Variants in TTLL5 observed in about 807,000 individuals in gnomAD.
TTLL5 encodes tubulin tyrosine ligase like 5.
Under a neutral mutation model 168.4 loss-of-function variants are expected in TTLL5, and 132 were observed. The ratio of observed to expected loss-of-function variants is 0.78; its 90% CI spans 0.68 to 0.91. The LOEUF (loss-of-function observed/expected upper bound fraction) is 0.91, where lower values mean the gene tolerates loss of function less well. Among genes scored for constraint, TTLL5 ranks in the 40% least tolerant of loss-of-function variants. The pLI, the probability that TTLL5 is intolerant of heterozygous loss-of-function variation, is 0.00. For missense variants in TTLL5, 1,545 were observed against 1,581.5 expected (o/e 0.98, Z 0.39); for synonymous variants, 546 against 558.6 (o/e 0.98, Z 0.32).
chr14:75,821,914 A>G (rs139063599), intron 28 of TTLL5, among the ~76,000 whole-genome samples: 1 of 152,252 alleles, frequency 6.6e-6, no homozygotes, highest in African/African-American at 2.4e-5. Flanking sequence ...TTCAAACACA[A>G]GAGCCAGTTT....
intron 29 of TTLL5, among the ~76,000 whole-genome samples, chr14:75,868,101 G>A (rs373608728): frequency 2.0e-5 from 3 of 152,170 alleles, no homozygotes; most frequent in East Asian, 3.9e-4. Context: ...TATTCTTGGC[G>A]CAGGACAGAG....
intron 15 of TTLL5, among the ~76,000 whole-genome samples, chr14:75,739,954 T>A (rs1889148118): frequency 6.6e-6 from 1 of 152,228 alleles, no homozygotes; most frequent in African/African-American, 2.4e-5. Context: ...CCACAAATGC[T>A]ATTTTGTTTT....
chr14:75,863,926 A>AAAAAAAAG lies in TTLL5; in HGVS notation c.3522+71_3522+72insGAAAAAAA, dbSNP rs1555352361. 3.2e-3 allele frequency: 4,043 copies of AAAAAAAAG among 1,257,378 alleles called. 57 individuals carry two copies. Among genetic ancestry groups the AAAAAAAAG allele is most frequent in the East Asian group, 0.01 (327 of 31,744 alleles). 77.9% of individuals were successfully genotyped at this position (1,257,378 alleles called of 1,614,324 possible). ...CTGCTGTTGGTAAAAAAAAAAAAAA[A>AAAAAAAAG]AAAAAAAAGGTCAGTGAATGAGAAA... is the stretch of plus-strand genomic sequence containing the variant. On this transcript the variant is annotated intron_variant, in intron 29 of 31. Coordinates refer to ENST00000298832, the MANE Select transcript of TTLL5 (RefSeq NM_015072.5).
At position 75,706,572 on chromosome 14, in the gene TTLL5, T is replaced by TC. The variant is rs200680772; in HGVS notation, c.586-446_586-445insC. Among the ~76,000 whole-genome samples the TC allele has an allele frequency of 4.5e-3, 685 of 152,320 alleles. 16 individuals carry two copies. Among genetic ancestry groups the TC allele is most frequent in the Admixed American group, 0.04 (614 of 15,292 alleles). On this transcript the variant is annotated intron_variant, in intron 7 of 31. Coordinates refer to ENST00000298832, the MANE Select transcript of TTLL5 (RefSeq NM_015072.5). ...AAAATGCTAGGATCCATTGTGGATC[T>TC]GTAAGTTCTCCAAACATGTTAATGA...
rs71122506 is a variant in TTLL5 at position 75,941,843 on chromosome 14, C to CTT, written c.3824-12558_3824-12557dup. 5.6e-3 allele frequency among the ~76,000 whole-genome samples: 390 copies of CTT among 69,374 alleles called. 8 individuals are homozygous for CTT. The highest frequency in any genetic ancestry group is 0.028 in the South Asian group (49 of 1,772). The allele number at this position is 69,374 out of a possible 152,430, so 45.5% of individuals were successfully genotyped here. Reference sequence around the variant, plus strand: ...TTATTGGCAGAAAATTCATGATGAACTTTTTTTTTTTTTTTTTTTTTTTTC... The same window carrying CTT: ...TTATTGGCAGAAAATTCATGATGAACTTTTTTTTTTTTTTTTTTTTTTTTTTC... On this transcript the variant is annotated intron_variant, in intron 31 of 31. Coordinates refer to ENST00000298832, the MANE Select transcript of TTLL5 (RefSeq NM_015072.5).
At chr14:75,825,260 T>C (rs899646088) in intron 28 of TTLL5, among the ~76,000 whole-genome samples, 3 of 152,184 alleles carry the variant, frequency 2.0e-5, no homozygotes, top group African/African-American at 7.2e-5. Context: ...GATATGGTAT[T>C]GCTCACCACT....
chr14:75,879,587 A>T (rs891937738), intron 29 of TTLL5, among the ~76,000 whole-genome samples: 7 of 152,076 alleles, frequency 4.6e-5, no homozygotes, highest in Admixed American at 3.9e-4. Context: ...CAATGAAGTA[A>T]TTTTTTTTAA....
chr14:75,823,374 G>A (rs1894943337), intron 28 of TTLL5, among the ~76,000 whole-genome samples: 1 of 152,176 alleles, frequency 6.6e-6, no homozygotes, highest in Non-Finnish European at 1.5e-5. Context: ...TTTTCTAGGT[G>A]TGGAGCACTC....
At chr14:75,897,632 A>G (rs1250190604) in intron 30 of TTLL5, among the ~76,000 whole-genome samples, 1 of 151,900 alleles carries the variant, frequency 6.6e-6, no homozygotes, top group Non-Finnish European at 1.5e-5. Context: ...ATGAGCCACC[A>G]CGCCTGGCTA....
intron 28 of TTLL5, among the ~76,000 whole-genome samples, chr14:75,844,911 T>C (rs1487844180): frequency 6.6e-6 from 1 of 152,206 alleles, no homozygotes; most frequent in African/African-American, 2.4e-5. Flanking sequence ...ATGTGAGAGA[T>C]CTGCATCTTA....
At chr14:75,906,105 A>G (rs1273051883) in intron 31 of TTLL5, among the ~76,000 whole-genome samples, 1 of 152,238 alleles carries the variant, frequency 6.6e-6, no homozygotes, top group Non-Finnish European at 1.5e-5. Flanking sequence ...GGTCCCTGAG[A>G]CAACAAGAGA....
chr14:75,680,495 G>A (rs900549004), intron 3 of TTLL5, among the ~76,000 whole-genome samples: 34 of 151,934 alleles, frequency 2.2e-4, no homozygotes, highest in African/African-American at 8.2e-4. Context: ...AGCACCATGA[G>A]AAACAAACCA....
At chr14:75,876,895 A>G (rs924714944) in intron 29 of TTLL5, among the ~76,000 whole-genome samples, 4 of 152,210 alleles carry the variant, frequency 2.6e-5, no homozygotes, top group African/African-American at 7.2e-5. Context: ...TTTGCTCTGA[A>G]CAGTCTTGGC....
At chr14:75,813,637 A>G (rs1314985673) in intron 27 of TTLL5, among the ~76,000 whole-genome samples, 1 of 152,026 alleles carries the variant, frequency 6.6e-6, no homozygotes, top group East Asian at 1.9e-4. Flanking sequence ...CATTAGTATT[A>G]ATATAGTTTT....
At chr14:75,865,591 C>G (rs1389188993) in intron 29 of TTLL5, among the ~76,000 whole-genome samples, 2 of 152,080 alleles carry the variant, frequency 1.3e-5, no homozygotes, top group African/African-American at 2.4e-5. Flanking sequence ...TTAAACTATG[C>G]TTCAATACCT....
intron 31 of TTLL5, among the ~76,000 whole-genome samples, chr14:75,905,559 A>G (rs1026247421): frequency 1.6e-4 from 25 of 152,214 alleles, no homozygotes; most frequent in African/African-American, 6.0e-4. Flanking sequence ...GCTTTATATT[A>G]GTAGTTTGCT....
chr14:75,683,703 T>C (rs542065206), intron 5 of TTLL5, 47 bp downstream of exon 5: 21 of 1,436,710 alleles, frequency 1.5e-5, no homozygotes, highest in African/African-American at 4.2e-5. Context: ...GTACATGACA[T>C]TGGGGCATGT....
chr14:75,919,197 CAAAAAA>C lies in TTLL5; in HGVS notation c.3823+16992_3823+16997del, dbSNP rs10655974. 2.1e-4 allele frequency among the ~76,000 whole-genome samples: 12 copies of C among 56,114 alleles called. No individual in the cohort carries two copies. In the Admixed American group the frequency reaches 2.4e-3, roughly 11 times the overall value. The allele number at this position is 56,114 out of a possible 152,430, so 36.8% of individuals were successfully genotyped here. ...GCCTGGCTCCAGAGCAAGACCGTCT[CAAAAAA>C]AAAAAAAAAAAAAAAAAAGGAAAAA... is the stretch of plus-strand genomic sequence containing the variant. On this transcript the variant is annotated intron_variant, in intron 31 of 31. Coordinates refer to ENST00000298832, the MANE Select transcript of TTLL5 (RefSeq NM_015072.5).
intron 27 of TTLL5, among the ~76,000 whole-genome samples, chr14:75,811,463 C>T (rs1374381906): frequency 2.6e-5 from 4 of 152,122 alleles, no homozygotes; most frequent in Non-Finnish European, 5.9e-5. Context: ...ATTTTAGGCC[C>T]AGCCCAGATG....
Sources: gnomAD v4.1 joint callset for allele counts (sites outside exome capture counted in the v4.1 genomes callset) on GRCh38, gnomAD v4.1.1 for gene constraint, MANE v1.5 for transcripts, NCBI Gene and HGNC (gene_info 2026-07-23, HGNC 2026-07-21) for gene names.